The following CDK14 variants were observed in gnomAD, a reference collection of about 807,000 sequenced individuals.
The protein encoded by CDK14 is cyclin dependent kinase 14, also known as cyclin-dependent kinase 14.
Under a neutral mutation model 60.7 loss-of-function variants are expected in CDK14, and 34 were observed. The ratio of observed to expected loss-of-function variants is 0.56; its 90% CI spans 0.43 to 0.75. The LOEUF is 0.75. CDK14 is among the 30% of genes least tolerant of loss of function. The pLI, the probability that CDK14 is intolerant of heterozygous loss-of-function variation, is 0.00. For missense variants in CDK14, 482 were observed against 564.1 expected (o/e 0.85, Z 1.47); for synonymous variants, 197 against 203.7 (o/e 0.97, Z 0.28).
chr7:90,891,923 T>C (rs1006182675), intron 6 of CDK14, among the ~76,000 whole-genome samples: 2 of 152,242 alleles, frequency 1.3e-5, no homozygotes, highest in Non-Finnish European at 2.9e-5. Context: ...TGAGGAACTT[T>C]CTATCTCATG....
intron 14 of CDK14, among the ~76,000 whole-genome samples, chr7:91,124,125 C>T (rs1799868523): frequency 6.6e-6 from 1 of 151,984 alleles, no homozygotes; most frequent in South Asian, 2.1e-4. Flanking sequence ...TGGCCTTAAG[C>T]GATCATCCTG....
intron 7 of CDK14, among the ~76,000 whole-genome samples, chr7:90,913,914 CAA>C (rs1163146220): frequency 6.6e-6 from 1 of 152,188 alleles, no homozygotes; most frequent in Non-Finnish European, 1.5e-5. Flanking sequence ...GGCAGAAGGT[CAA>C]AGAGACCTTC....
chr7:90,935,986 G>A (rs1056607806), intron 8 of CDK14, among the ~76,000 whole-genome samples: 3 of 151,652 alleles, frequency 2.0e-5, no homozygotes, highest in Non-Finnish European at 4.4e-5. Flanking sequence ...AGGCTGCAGT[G>A]AGTCATGATT....
At chr7:90,915,775 A>T (rs1667360760) in intron 7 of CDK14, among the ~76,000 whole-genome samples, 1 of 152,208 alleles carries the variant, frequency 6.6e-6, no homozygotes, top group Admixed American at 6.5e-5. Context: ...AACCGCACTC[A>T]GTTTCCTCAT....
chr7:91,056,035 C>A (rs1797543180), intron 11 of CDK14, among the ~76,000 whole-genome samples: 1 of 152,108 alleles, frequency 6.6e-6, no homozygotes, highest in African/African-American at 2.4e-5. Flanking sequence ...AACTCCTCAC[C>A]CTGAACTTTT....
chr7:90,859,471 A>G (rs1465343613), intron 5 of CDK14, among the ~76,000 whole-genome samples: 2 of 152,200 alleles, frequency 1.3e-5, no homozygotes, highest in Non-Finnish European at 2.9e-5. Context: ...GTAATTGTGT[A>G]TCTAAAATAT....
At chr7:90,709,248 A>C in intron 2 of CDK14, 1 of 426,360 alleles carries the variant, frequency 2.3e-6, no homozygotes, top group African/African-American at 2.1e-5. Flanking sequence ...ACACGTAGAC[A>C]CCATTTTAGC....
chr7:90,955,174 G>C lies in CDK14; in HGVS notation c.827-523G>C, dbSNP rs1043264300. On this transcript the variant is annotated intron_variant, in intron 8 of 14. Transcript: ENST00000380050. ...GAGCTTCTGCAATAAGCATTTCCTAGTGAGTATTTGACAGAACACTGAAAC... is the reference window on the plus strand; with the variant it reads ...GAGCTTCTGCAATAAGCATTTCCTACTGAGTATTTGACAGAACACTGAAAC... 5.9e-4 allele frequency among the ~76,000 whole-genome samples: 89 copies of C among 152,048 alleles called. 1 individual carries two copies. Among genetic ancestry groups the C allele is most frequent in the Non-Finnish European group, 1.9e-4 (13 of 67,980 alleles).
chr7:90,965,002 A>G (rs1347175937), intron 9 of CDK14, among the ~76,000 whole-genome samples: 1 of 152,174 alleles, frequency 6.6e-6, no homozygotes, highest in African/African-American at 2.4e-5. Context: ...TATTTTTCAA[A>G]TTCTCAAACA....
chr7:91,140,879 AT>A (rs954902223), intron 14 of CDK14, among the ~76,000 whole-genome samples: 1 of 151,982 alleles, frequency 6.6e-6, no homozygotes, highest in Non-Finnish European at 1.5e-5. Context: ...TATGATAGCC[AT>A]TTTTTTGGTC....
chr7:91,099,754 T>C (rs190303717), intron 12 of CDK14, among the ~76,000 whole-genome samples: 5 of 152,278 alleles, frequency 3.3e-5, no homozygotes, highest in Admixed American at 3.3e-4. Context: ...TGGGATTTCA[T>C]ACAGGGTGGG....
intron 14 of CDK14, among the ~76,000 whole-genome samples, chr7:91,199,016 C>T (rs1802636115): frequency 6.6e-6 from 1 of 151,996 alleles, no homozygotes; most frequent in African/African-American, 2.4e-5. Flanking sequence ...TGGGGAGTGA[C>T]TTTGTATTTG....
At chr7:90,637,165 GC>G (rs1162830214) in intron 2 of CDK14, among the ~76,000 whole-genome samples, 2 of 151,542 alleles carry the variant, frequency 1.3e-5, no homozygotes, top group African/African-American at 4.9e-5. Context: ...GTTATTTCTT[GC>G]CTTCTGCTAG....
intron 2 of CDK14, among the ~76,000 whole-genome samples, chr7:90,617,338 GAAGGGAGA>G (rs1285805332): frequency 2.6e-5 from 4 of 152,050 alleles, no homozygotes. Flanking sequence ...CCTCCCAGGA[GAAGGGAGA>G]AAGGGAGAAA....
intron 3 of CDK14, among the ~76,000 whole-genome samples, chr7:90,732,824 C>T (rs1004510391): frequency 1.3e-5 from 2 of 151,874 alleles, no homozygotes; most frequent in Non-Finnish European, 2.9e-5. Flanking sequence ...AAGAGTTTTT[C>T]CTGTCTCTAT....
intron 14 of CDK14, among the ~76,000 whole-genome samples, chr7:91,169,933 G>A (rs1386891301): frequency 6.6e-6 from 1 of 152,156 alleles, no homozygotes; most frequent in Non-Finnish European, 1.5e-5. Context: ...AGTACCCTGC[G>A]TTATCATGGC....
At chr7:91,065,737 T>C (rs1797955840) in intron 11 of CDK14, among the ~76,000 whole-genome samples, 1 of 152,376 alleles carries the variant, frequency 6.6e-6, no homozygotes, top group Admixed American at 6.5e-5. Context: ...TGGAGGCTAC[T>C]TGTGACCTTG....
intron 8 of CDK14, among the ~76,000 whole-genome samples, chr7:90,944,206 C>CT (rs1794025952): frequency 6.6e-6 from 1 of 152,152 alleles, no homozygotes; most frequent in African/African-American, 2.4e-5. Flanking sequence ...CCAAAGTAAA[C>CT]TTTTTTTCTT....
intron 8 of CDK14, 113 bp downstream of exon 8, chr7:90,917,837 T>A: frequency 1.0e-6 from 1 of 971,206 alleles, no homozygotes; most frequent in Non-Finnish European, 1.5e-6. Flanking sequence ...ATCCTGGTAA[T>A]TTTTTTTTTC....
Sources: allele counts gnomAD v4.1 joint callset (sites outside exome capture counted in the v4.1 genomes callset), GRCh38; gene constraint gnomAD v4.1.1; transcripts MANE v1.5; gene names NCBI Gene and HGNC (gene_info 2026-07-23, HGNC 2026-07-21).